DDB2: variants seen among roughly 807,000 people sequenced by gnomAD.
DDB2 encodes the protein damage specific DNA binding protein 2.
In DDB2, 27 loss-of-function variants were observed where a neutral mutation model predicts 50.5. The ratio of observed to expected loss-of-function variants is 0.53; its 90% CI spans 0.39 to 0.74. The LOEUF is 0.74. Ranked by LOEUF, DDB2 falls within the 30% of genes least tolerant of loss-of-function variation. DDB2 has a pLI of 0.00. For synonymous variants in DDB2, 176 were observed against 205.5 expected (o/e 0.86, Z 1.23); for missense variants, 424 against 545.6 (o/e 0.78, Z 2.22).
At chr11:47,215,853 C>A in intron 1 of DDB2, 1 of 271,902 alleles carries the variant, frequency 3.7e-6, no homozygotes, top group Non-Finnish European at 7.2e-6. Context: ...TATTGCTATT[C>A]TAATTTCACT....
intron 1 of DDB2, 106 bp downstream of exon 1, chr11:47,215,369 C>T: frequency 7.0e-6 from 11 of 1,571,084 alleles, no homozygotes; most frequent in Non-Finnish European, 8.7e-6. Flanking sequence ...CCGCGCAGGT[C>T]ACGGGTGCCT....
intron 6 of DDB2, 34 bp from the exon 7 acceptor site, chr11:47,235,236 G>T: frequency 1.9e-6 from 3 of 1,614,206 alleles, no homozygotes; most frequent in Non-Finnish European, 2.5e-6. Context: ...AGGGCTTGTG[G>T]TTCCTTCAGC....
At chr11:47,235,014 C>T (rs1437661048) in intron 6 of DDB2, 80 bp downstream of exon 6, 122 of 1,523,490 alleles carry the variant, frequency 8.0e-5, no homozygotes, top group Non-Finnish European at 1.0e-4. Context: ...GTGTGGAAGC[C>T]ACTACGTCAA....
intron 4 of DDB2, 29 bp from the exon 5 acceptor site, chr11:47,234,544 G>A: frequency 6.3e-7 from 1 of 1,593,726 alleles, no homozygotes; most frequent in Non-Finnish European, 8.6e-7. Context: ...CTGTCCCCAA[G>A]AATCTTACAA....
At chr11:47,216,094 A>G in intron 1 of DDB2, 2 of 631,798 alleles carry the variant, frequency 3.2e-6, no homozygotes, top group South Asian at 3.4e-5. Context: ...GGAACCCTGC[A>G]CGACTGTATT....
intron 3 of DDB2, among the ~76,000 whole-genome samples, chr11:47,219,607 C>T (rs900929950): frequency 1.2e-4 from 18 of 152,250 alleles, no homozygotes; most frequent in African/African-American, 4.3e-4. Context: ...GTCTTGTCTT[C>T]CCAAATTGCT....
chr11:47,235,602 T>C (rs1467884236), intron 7 of DDB2, 190 bp downstream of exon 7: 1 of 633,200 alleles, frequency 1.6e-6, no homozygotes, highest in African/African-American at 1.8e-5. Context: ...TCCCATATGG[T>C]TGAGTTTTCT....
chr11:47,217,045 A>T lies in DDB2; in HGVS notation c.452A>T (p.Lys151Ile). Residue 151 changes from lysine to isoleucine, a missense_variant, in exon 3 of 10, where the codon AAA becomes ATA. Lys to Ile is a moderately radical substitution (Grantham distance 102). Coordinates refer to ENST00000256996, the MANE Select transcript of DDB2 (RefSeq NM_000107.3). ...FGIKDKPTFIKGIGAGGSITG... is the reference protein window; with the variant it reads ...FGIKDKPTFIIGIGAGGSITG... ...ATCAAGGACAAACCCACCTTCATCA[A>T]AGGGGTGAGCAGTTCCCCATGCCAG... 1 of 1,613,640 alleles carries T rather than the reference A, an allele frequency of 6.2e-7. No individual in the cohort carries two copies. The highest frequency in any genetic ancestry group is 8.5e-7 in the Non-Finnish European group (1 of 1,179,646).
intron 4 of DDB2, 146 bp downstream of exon 4, chr11:47,233,105 C>A: frequency 2.0e-6 from 2 of 979,952 alleles, no homozygotes; most frequent in South Asian, 2.6e-5. Context: ...TTCTCTTTCT[C>A]AAACTGCTCC....
chr11:47,216,690 A>G (rs1187995282), intron 2 of DDB2, among the ~76,000 whole-genome samples, 168 bp from the exon 3 acceptor site: 3 of 152,096 alleles, frequency 2.0e-5, no homozygotes, highest in Non-Finnish European at 4.4e-5. Context: ...GCTTTCCAAG[A>G]TTATTCGTTC....
chr11:47,231,233 TTCA>T (rs1953645450), intron 3 of DDB2, among the ~76,000 whole-genome samples: 1 of 152,110 alleles, frequency 6.6e-6, no homozygotes, highest in Admixed American at 6.6e-5. Context: ...CATGATTATT[TTCA>T]TCATCATTTT....
chr11:47,228,029 A>G (rs1344957838), intron 3 of DDB2, among the ~76,000 whole-genome samples: 2 of 150,132 alleles, frequency 1.3e-5, no homozygotes, highest in East Asian at 2.0e-4. Flanking sequence ...CATCCCAGCT[A>G]CCCGGGAGGT....
At chr11:47,215,434 C>T (rs1953387081) in intron 1 of DDB2, 171 bp downstream of exon 1, 1 of 847,474 alleles carries the variant, frequency 1.2e-6, no homozygotes, top group Non-Finnish European at 1.9e-6. Context: ...TAGGTTTCAA[C>T]ACCTCTCCCG....
chr11:47,235,758 T>A (rs956817201), intron 7 of DDB2: 9 of 277,978 alleles, frequency 3.2e-5, no homozygotes, highest in African/African-American at 1.3e-4. Flanking sequence ...ATTTTTTATT[T>A]TTTTATTATT....
chr11:47,237,287 A>G (rs931397222), intron 7 of DDB2, among the ~76,000 whole-genome samples: 15 of 152,210 alleles, frequency 9.9e-5, no homozygotes, highest in Admixed American at 6.6e-4. Flanking sequence ...ATGAGGGAGA[A>G]GGCCTGAAGG....
At chr11:47,228,247 A>G (rs1031143300) in intron 3 of DDB2, among the ~76,000 whole-genome samples, 2 of 150,492 alleles carry the variant, frequency 1.3e-5, no homozygotes, top group African/African-American at 4.9e-5. Flanking sequence ...AGCCTGAGCG[A>G]CAGAGCACAA....
chr11:47,214,822 G>C (rs1953374971), upstream of DDB2: 1 of 444,266 alleles, frequency 2.3e-6, no homozygotes, highest in Non-Finnish European at 4.2e-6. Flanking sequence ...GCTCCAGGGA[G>C]GTCAGCTGAC....
intron 2 of DDB2, 122 bp downstream of exon 2, chr11:47,216,594 G>A (rs950919063): frequency 2.1e-6 from 3 of 1,410,682 alleles, no homozygotes; most frequent in South Asian, 1.2e-5. Flanking sequence ...CACCCAGACT[G>A]TGGTGACTGG....
chr11:47,214,792 T>A, upstream of DDB2: 10 of 358,016 alleles, frequency 2.8e-5, no homozygotes, highest in East Asian at 5.1e-5. Context: ...AAAAAATCCA[T>A]AAAGCCGGGG....
Sources: allele counts gnomAD v4.1 joint callset (sites outside exome capture counted in the v4.1 genomes callset), GRCh38; gene constraint gnomAD v4.1.1; transcripts MANE v1.5; gene names NCBI Gene and HGNC (gene_info 2026-07-23, HGNC 2026-07-21).